EDIL3: variants seen among roughly 807,000 people sequenced by gnomAD.
The protein encoded by EDIL3 is EGF like and discoidin domains 3.
Under a neutral mutation model 67.4 loss-of-function variants are expected in EDIL3, and 37 were observed. The ratio of observed to expected loss-of-function variants is 0.55; its 90% CI spans 0.42 to 0.72. The LOEUF is 0.72. Among genes scored for constraint, EDIL3 ranks in the 30% least tolerant of loss-of-function variants. The probability of loss-of-function intolerance (pLI) is 0.00; values close to 1 mark genes in which losing one functional copy is unlikely to be tolerated. For missense variants in EDIL3, 527 were observed against 586.3 expected (o/e 0.90, Z 1.04); for synonymous variants, 195 against 196.3 (o/e 0.99, Z 0.05).
At chr5:84,218,914 G>A (rs974621024) in intron 3 of EDIL3, among the ~76,000 whole-genome samples, 4 of 152,162 alleles carry the variant, frequency 2.6e-5, no homozygotes, top group Non-Finnish European at 5.9e-5. Flanking sequence ...AGTACCTCGG[G>A]ACCAGGAGGG....
intron 9 of EDIL3, among the ~76,000 whole-genome samples, chr5:83,981,382 T>G (rs1221891894): frequency 6.6e-6 from 1 of 152,098 alleles, no homozygotes; most frequent in African/African-American, 2.4e-5. Context: ...TGTTAACTTT[T>G]GTTAAATTTG....
At position 83,940,661 on chromosome 5, in the gene EDIL3, A is replaced by G. The variant is rs1359249870; in HGVS notation, c.*2758T>C. 1.3e-5 allele frequency: 2 copies of G among 152,010 alleles called. No homozygotes were observed. The highest frequency in any genetic ancestry group is 2.9e-5 in the Non-Finnish European group (2 of 67,904). The allele number at this position is 152,010 out of a possible 1,614,324, so 9.4% of individuals were successfully genotyped here. Reference sequence around the variant, plus strand: ...CAAGGTCATACTGGTTTTACATCCTACGTGATATAAGTATATATACAAAGA... The same window carrying G: ...CAAGGTCATACTGGTTTTACATCCTGCGTGATATAAGTATATATACAAAGA... On this transcript the variant is annotated 3_prime_UTR_variant, in exon 11 of 11. Transcript: ENST00000296591.
intron 1 of EDIL3, among the ~76,000 whole-genome samples, chr5:84,331,654 G>C (rs1746874424): frequency 6.6e-6 from 1 of 151,952 alleles, no homozygotes; most frequent in Admixed American, 6.6e-5. Flanking sequence ...CCCAGTCTCG[G>C]GTATTTCTTC....
intron 1 of EDIL3, among the ~76,000 whole-genome samples, chr5:84,316,481 T>A (rs940662959): frequency 2.6e-5 from 4 of 152,044 alleles, no homozygotes; most frequent in African/African-American, 9.7e-5. Context: ...TAAAACAGAC[T>A]TTAAACCAAC....
At chr5:84,018,728 G>C (rs759427418) in intron 9 of EDIL3, among the ~76,000 whole-genome samples, 42 of 152,070 alleles carry the variant, frequency 2.8e-4, no homozygotes, top group Admixed American at 8.5e-4. Flanking sequence ...TTGGAATTAC[G>C]AAACACCAAA....
At chr5:84,053,579 A>G (rs1407744661) in intron 9 of EDIL3, among the ~76,000 whole-genome samples, 1 of 152,166 alleles carries the variant, frequency 6.6e-6, no homozygotes, top group Non-Finnish European at 1.5e-5. Context: ...AATAAAGAAG[A>G]AAAGAGAGAA....
At chr5:84,215,661 G>T (rs1159630744) in intron 3 of EDIL3, among the ~76,000 whole-genome samples, 1 of 152,190 alleles carries the variant, frequency 6.6e-6, no homozygotes, top group Non-Finnish European at 1.5e-5. Context: ...AGGCCTCTCT[G>T]AGAATGCACC....
At chr5:83,943,691 T>C in intron 10 of EDIL3, 123 bp from the exon 11 acceptor site, 2 of 1,072,376 alleles carry the variant, frequency 1.9e-6, no homozygotes, top group African/African-American at 3.2e-5. Context: ...TTTCTTTTCT[T>C]CAAAATATAT....
At chr5:84,306,525 C>T (rs1324251237) in intron 1 of EDIL3, among the ~76,000 whole-genome samples, 3 of 152,304 alleles carry the variant, frequency 2.0e-5, no homozygotes, top group East Asian at 3.9e-4. Flanking sequence ...TTCTATTCTA[C>T]AGGCGAATTA....
intron 1 of EDIL3, among the ~76,000 whole-genome samples, chr5:84,314,854 G>A (rs954955181): frequency 1.3e-5 from 2 of 151,982 alleles, no homozygotes; most frequent in Non-Finnish European, 2.9e-5. Context: ...AAGAAATCTT[G>A]AGAAAATTAT....
intron 6 of EDIL3, among the ~76,000 whole-genome samples, chr5:84,078,203 T>C (rs770912891): frequency 1.8e-4 from 28 of 152,120 alleles, no homozygotes; most frequent in Non-Finnish European, 3.1e-4. Flanking sequence ...CACACATATC[T>C]ATTGTAATAA....
chr5:84,319,494 C>CAAAAAAAAAAAAAAAAA (rs55738450), intron 1 of EDIL3, among the ~76,000 whole-genome samples: 52 of 42,836 alleles, frequency 1.2e-3, no homozygotes, highest in Admixed American at 1.7e-3. Flanking sequence ...CAAAAAACAA[C>CAAAAAAAAAAAAAAAAA]AAAAAAAAAA....
chr5:84,327,384 T>C, intron 1 of EDIL3, among the ~76,000 whole-genome samples: 2 of 152,116 alleles, frequency 1.3e-5, no homozygotes, highest in Middle Eastern at 3.4e-3. Context: ...CTCTTTCAAA[T>C]ATAAATGGCC....
At chr5:84,377,143 G>A (rs1047493060) in intron 1 of EDIL3, among the ~76,000 whole-genome samples, 7 of 152,086 alleles carry the variant, frequency 4.6e-5, no homozygotes, top group African/African-American at 1.2e-4. Flanking sequence ...TGGCTAACAC[G>A]GTGAAACCCC....
intron 4 of EDIL3, among the ~76,000 whole-genome samples, chr5:84,151,448 G>A (rs1346053820): frequency 6.6e-6 from 1 of 152,132 alleles, no homozygotes; most frequent in East Asian, 1.9e-4. Context: ...TTATGGGAGA[G>A]ACTGAGTAGT....
intron 4 of EDIL3, among the ~76,000 whole-genome samples, chr5:84,141,763 T>C (rs1748192933): frequency 6.7e-6 from 1 of 149,386 alleles, no homozygotes; most frequent in African/African-American, 2.4e-5. Flanking sequence ...AGACTCTTTA[T>C]CGGTATGTCA....
At chr5:84,311,517 A>G (rs1321375785) in intron 1 of EDIL3, among the ~76,000 whole-genome samples, 1 of 151,814 alleles carries the variant, frequency 6.6e-6, no homozygotes, top group African/African-American at 2.4e-5. Context: ...GTTGGTTGTA[A>G]TCTGTATCTT....
rs957554519 is a variant in EDIL3, at chr5:84,153,078, CTTTTA to C, written c.356-15729_356-15725del. Reference sequence around the variant, plus strand: ...GAGTGTACAATTATTTAGCCCATGGCTTTTATTTTATTCTGTTCATTACCAATAGC... The same window carrying C: ...GAGTGTACAATTATTTAGCCCATGGCTTTTATTCTGTTCATTACCAATAGC... On this transcript the variant is annotated intron_variant, in intron 4 of 10. Coordinates refer to ENST00000296591, the MANE Select transcript of EDIL3 (RefSeq NM_005711.5). Among the ~76,000 whole-genome samples the C allele has an allele frequency of 2.0e-4, 31 of 152,210 alleles. 1 individual carries two copies. The highest frequency in any genetic ancestry group is 7.2e-4 in the African/African-American group (30 of 41,534).
At chr5:84,248,170 C>T (rs1325426776) in intron 2 of EDIL3, among the ~76,000 whole-genome samples, 1 of 152,096 alleles carries the variant, frequency 6.6e-6, no homozygotes, top group Non-Finnish European at 1.5e-5. Context: ...ACAAATTCTT[C>T]TACGTGCCAC....
Sources: gnomAD v4.1 joint callset for allele counts (sites outside exome capture counted in the v4.1 genomes callset) on GRCh38, gnomAD v4.1.1 for gene constraint, MANE v1.5 for transcripts, NCBI Gene and HGNC (gene_info 2026-07-23, HGNC 2026-07-21) for gene names.